The following UMAD1 variants were observed in gnomAD, a reference collection of about 807,000 sequenced individuals.
The protein encoded by UMAD1 is UBAP1-MVB12-associated (UMA) domain containing 1, also known as UBAP1-MVB12-associated (UMA)-domain containing protein 1.
A neutral mutation model predicts 6.1 loss-of-function variants in UMAD1; 8 were observed. That is an observed-to-expected ratio of 1.30 (90% confidence interval 0.76 to 2.35). The LOEUF is 2.35. Ranked by LOEUF, UMAD1 falls within the 30% of genes most tolerant of loss-of-function variation. The pLI is 0.00. For synonymous variants in UMAD1, 56 were observed against 31.4 expected (o/e 1.78, Z -2.61); for missense variants, 130 against 78.4 (o/e 1.66, Z -2.49).
At chr7:7,812,056 C>T (rs769098300) in intron 3 of UMAD1, among the ~76,000 whole-genome samples, 3 of 152,050 alleles carry the variant, frequency 2.0e-5, no homozygotes, top group African/African-American at 4.8e-5. Flanking sequence ...TTTTTGTTAC[C>T]ACAACATCTG....
At chr7:7,811,718 G>A (rs1783025539) in intron 3 of UMAD1, among the ~76,000 whole-genome samples, 1 of 152,182 alleles carries the variant, frequency 6.6e-6, no homozygotes, top group Admixed American at 6.5e-5. Context: ...GCTGCTTAAT[G>A]AAGAGATTTT....
chr7:7,786,427 T>A (rs1361882756), intron 2 of UMAD1, among the ~76,000 whole-genome samples: 2 of 152,198 alleles, frequency 1.3e-5, no homozygotes, highest in East Asian at 3.8e-4. Context: ...GTCTATCAGG[T>A]GGTGCACAGC....
rs147477421 is a variant in UMAD1 at position 7,773,969 on chromosome 7, G to A, written c.83-27701G>A. Among the ~76,000 whole-genome samples the A allele has an allele frequency of 2.4e-3, 371 of 152,246 alleles. 2 individuals carry two copies. The highest frequency in any genetic ancestry group is 3.9e-3 in the Non-Finnish European group (267 of 68,010). ...TGTTTCTCTCTGGCTCACTGATGGC[G>A]GCTCTCTACTGATTTCTTTTGTCTC... On this transcript the variant is annotated intron_variant, in intron 2 of 3. Transcript: ENST00000682710.
chr7:7,643,302 A>G (rs994050038), intron 1 of UMAD1, among the ~76,000 whole-genome samples: 87 of 152,348 alleles, frequency 5.7e-4, no homozygotes, highest in African/African-American at 2.0e-3. Context: ...AGGAAGCCTC[A>G]GATGGGCGTG....
At chr7:7,785,744 A>G (rs2115258364) in intron 2 of UMAD1, among the ~76,000 whole-genome samples, 1 of 152,312 alleles carries the variant, frequency 6.6e-6, no homozygotes, top group Non-Finnish European at 1.5e-5. Flanking sequence ...GCTGACTGAC[A>G]TGATGTGGGG....
intron 3 of UMAD1, among the ~76,000 whole-genome samples, chr7:7,826,037 A>G (rs1783334591): frequency 6.6e-6 from 1 of 152,188 alleles, no homozygotes; most frequent in Non-Finnish European, 1.5e-5. Context: ...TTTTAAAGTT[A>G]TACTTTATTG....
chr7:7,745,730 T>C (rs779362348), intron 2 of UMAD1, among the ~76,000 whole-genome samples: 1 of 152,218 alleles, frequency 6.6e-6, no homozygotes, highest in Non-Finnish European at 1.5e-5. Flanking sequence ...TGAGTATATT[T>C]TACTTCGTGG....
chr7:7,860,060 C>G (rs2115331413), intron 3 of UMAD1, among the ~76,000 whole-genome samples: 1 of 152,150 alleles, frequency 6.6e-6, no homozygotes, highest in Admixed American at 6.5e-5. Context: ...AGACTTTCTC[C>G]AAGAGCGGGT....
At chr7:7,844,465 T>C (rs1161435802) in intron 3 of UMAD1, among the ~76,000 whole-genome samples, 1 of 152,160 alleles carries the variant, frequency 6.6e-6, no homozygotes, top group East Asian at 1.9e-4. Flanking sequence ...GTAGGTCCTC[T>C]TAAAGGAGCC....
At chr7:7,760,987 G>A (rs111784098) in intron 2 of UMAD1, among the ~76,000 whole-genome samples, 2,085 of 152,260 alleles carry the variant, frequency 0.014, 47 homozygotes, top group African/African-American at 0.047. Flanking sequence ...GGTAGCTGCA[G>A]CCAGAATGAA....
intron 2 of UMAD1, among the ~76,000 whole-genome samples, chr7:7,701,100 C>T (rs748076708): frequency 3.9e-5 from 6 of 152,096 alleles, no homozygotes; most frequent in Non-Finnish European, 8.8e-5. Context: ...GGATCTCTAT[C>T]GCCATTTGGT....
chr7:7,737,907 T>A (rs562139685), intron 2 of UMAD1, among the ~76,000 whole-genome samples: 1 of 152,314 alleles, frequency 6.6e-6, no homozygotes, highest in Admixed American at 6.5e-5. Context: ...AGCCCAGCAC[T>A]TGCATACACT....
chr7:7,720,334 T>G (rs1781017875), intron 2 of UMAD1, among the ~76,000 whole-genome samples: 1 of 152,162 alleles, frequency 6.6e-6, no homozygotes, highest in South Asian at 2.1e-4. Flanking sequence ...CAGAATGACT[T>G]TGGCTGCTTG....
intron 1 of UMAD1, among the ~76,000 whole-genome samples, chr7:7,642,731 C>G (rs1785002943): frequency 6.6e-6 from 1 of 152,186 alleles, no homozygotes; most frequent in Non-Finnish European, 1.5e-5. Context: ...TGTCATTCAG[C>G]TGAAGAAATG....
intron 2 of UMAD1, among the ~76,000 whole-genome samples, chr7:7,754,596 C>T (rs1033788065): frequency 6.6e-6 from 1 of 152,122 alleles, no homozygotes; most frequent in Non-Finnish European, 1.5e-5. Flanking sequence ...ACTAACCAGC[C>T]ACATGTAGCT....
At position 7,681,044 on chromosome 7, in the gene UMAD1, T is replaced by G. The variant is rs184461514; in HGVS notation, c.82+7591T>G. Among the ~76,000 whole-genome samples, 438 of 152,232 alleles carry G rather than the reference T, an allele frequency of 2.9e-3. 3 individuals carry two copies. The highest frequency in any genetic ancestry group is 4.9e-3 in the Non-Finnish European group (336 of 67,994). On this transcript the variant is annotated intron_variant, in intron 2 of 3. Transcript: ENST00000682710. The stretch of plus-strand genomic sequence containing the variant: ...AGAAAAATAAATATATTTTGTTGGT[T>G]TGTGTGTTTGTTGATGTCTAAATGA...
At chr7:7,871,473 T>C (rs1313334334) in intron 3 of UMAD1, among the ~76,000 whole-genome samples, 1 of 152,206 alleles carries the variant, frequency 6.6e-6, no homozygotes. Context: ...GTGCCTCAGT[T>C]TCCTCTTGTC....
At chr7:7,672,691 A>G (rs1218362937) in intron 1 of UMAD1, among the ~76,000 whole-genome samples, 1 of 152,138 alleles carries the variant, frequency 6.6e-6, no homozygotes, top group Admixed American at 6.5e-5. Context: ...GACTTCCCCT[A>G]TGCTTTTAAG....
rs536226987 is a variant in UMAD1, at chr7:7,774,660, T to A, written c.83-27010T>A. Among the ~76,000 whole-genome samples, 4 of 152,288 alleles carry A rather than the reference T, an allele frequency of 2.6e-5. No individual in the cohort carries two copies. The East Asian group carries it at 7.7e-4, about 29-fold the overall frequency. On this transcript the variant is annotated intron_variant, in intron 2 of 3. Transcript: ENST00000682710. ...TTTACTAACATAGATTCTTTGTGAGTGCTCTTAAAGCTGTTTGATAATCCC... is the reference window on the plus strand; with the variant it reads ...TTTACTAACATAGATTCTTTGTGAGAGCTCTTAAAGCTGTTTGATAATCCC...
Sources: gnomAD v4.1 joint callset for allele counts (sites outside exome capture counted in the v4.1 genomes callset) on GRCh38, gnomAD v4.1.1 for gene constraint, MANE v1.5 for transcripts, NCBI Gene and HGNC (gene_info 2026-07-23, HGNC 2026-07-21) for gene names.